PCDHGC4: variants seen among roughly 807,000 people sequenced by gnomAD.
PCDHGC4 encodes protocadherin gamma subfamily C, 4.
A neutral mutation model predicts 59.7 loss-of-function variants in PCDHGC4; 15 were observed. That is an observed-to-expected ratio of 0.25 (90% CI 0.17 to 0.39). The LOEUF (loss-of-function observed/expected upper bound fraction) is 0.39. Ranked by LOEUF, PCDHGC4 falls within the 10% of genes least tolerant of loss-of-function variation. The probability of loss-of-function intolerance (pLI) is 1.00; values close to 1 mark genes in which losing one functional copy is unlikely to be tolerated. For missense variants in PCDHGC4, 1,016 were observed against 1,189.5 expected, an observed-to-expected ratio of 0.85 and a Z score of 2.15; for synonymous variants, 434 against 481.4, an observed-to-expected ratio of 0.90 and a Z score of 1.29.
chr5:141,488,939 T>C (rs1229571704), intron 1 of PCDHGC4, among the ~76,000 whole-genome samples: 1 of 152,114 alleles, frequency 6.6e-6, no homozygotes, highest in Non-Finnish European at 1.5e-5. Context: ...GGAAACTCCA[T>C]AATTGGTTGA....
intron 1 of PCDHGC4, among the ~76,000 whole-genome samples, chr5:141,494,382 G>C (rs1311387598): frequency 6.6e-6 from 1 of 152,182 alleles, no homozygotes; most frequent in Non-Finnish European, 1.5e-5. Flanking sequence ...CCCAGCTGAG[G>C]AGTTGAATAA....
At chr5:141,503,478 C>T (rs1249372985) in intron 2 of PCDHGC4, among the ~76,000 whole-genome samples, 3 of 151,680 alleles carry the variant, frequency 2.0e-5, no homozygotes, top group East Asian at 1.9e-4. Context: ...GTGCACTTGT[C>T]GTCCCAGCTG....
At chr5:141,501,987 G>A (rs1462571527) in intron 2 of PCDHGC4, among the ~76,000 whole-genome samples, 2 of 152,016 alleles carry the variant, frequency 1.3e-5, no homozygotes, top group Non-Finnish European at 2.9e-5. Flanking sequence ...TGGTCCCGTT[G>A]TCTCCCTGAC....
Position 141,487,660 on chromosome 5 carries a change from T to C in PCDHGC4, c.2442+45T>C. Reference sequence around the variant, plus strand: ...AACAAATGCTTGAGGGTTATTCTGATCCAGGCATATGGCTAGGCCATGTCC... The same window carrying C: ...AACAAATGCTTGAGGGTTATTCTGACCCAGGCATATGGCTAGGCCATGTCC... On this transcript the variant is annotated intron_variant, in intron 1 of 3. Coordinates refer to ENST00000306593, the MANE Select transcript of PCDHGC4 (RefSeq NM_018928.3). The surrounding 1 kb of genome is among the most constrained non-coding windows in gnomAD (Gnocchi z 5.0). The C allele has an allele frequency of 6.2e-7, 1 of 1,613,442 alleles. No homozygotes were observed. The highest frequency in any genetic ancestry group is 8.5e-7 in the Non-Finnish European group (1 of 1,179,710).
intron 2 of PCDHGC4, among the ~76,000 whole-genome samples, chr5:141,496,040 AT>A (rs2099765531): frequency 1.3e-5 from 2 of 150,356 alleles, no homozygotes; most frequent in Admixed American, 6.6e-5. Flanking sequence ...TCTGTCTCTC[AT>A]TTTTTTGTGC....
chr5:141,485,192 A>T lies in PCDHGC4; in HGVS notation c.19A>T (p.Ser7Cys). 1.2e-6 allele frequency: 2 copies of T among 1,613,942 alleles called. No individual in the cohort carries two copies. Among genetic ancestry groups the T allele is most frequent in the African/African-American group, 2.7e-5 (2 of 75,048 alleles). Residue 7 changes from serine to cysteine, a missense_variant, in exon 1 of 4, where the codon AGC becomes TGC. By Grantham distance (112) the Ser-to-Cys change is moderately radical. Transcript: ENST00000306593. The surrounding 1 kb of genome is among the most constrained non-coding windows in gnomAD (Gnocchi z 5.7). ...GGCAGCAATGCTCCGCAAGGTGAGA[A>T]GCTGGACAGAAATCTGGCGGTGGGC... is the stretch of plus-strand genomic sequence containing the variant. MLRKVR[S>C]WTEIWRWATL...
At position 141,486,883 on chromosome 5, in the gene PCDHGC4, C is replaced by G. The variant is rs1234866888; in HGVS notation, c.1710C>G (p.Ala570=). The G allele has an allele frequency of 1.2e-6, 2 of 1,614,214 alleles. No individual in the cohort carries two copies. ...DNAPAVLRPR[A]RPGSLCPQAL... ...CTCCAGCTGTGCTCCGTCCTCGGGC[C>G]CGGCCTGGTTCCTTATGTCCCCAAG... Residue 570 remains alanine (A), a synonymous_variant, in exon 1 of 4, where the codon GCC becomes GCG. Coordinates refer to ENST00000306593, the MANE Select transcript of PCDHGC4 (RefSeq NM_018928.3). The surrounding 1 kb of genome is among the most constrained non-coding windows in gnomAD (Gnocchi z 5.0).
In PCDHGC4 at chr5:141,512,022, C is replaced by T. The variant is rs2154594692; in HGVS notation, c.*849C>T. The T allele has an allele frequency of 6.5e-6, 1 of 152,990 alleles. No individual in the cohort carries two copies. The highest frequency in any genetic ancestry group is 1.9e-4 in the East Asian group (1 of 5,186). The allele number at this position is 152,990 out of a possible 1,614,324, so 9.5% of individuals were successfully genotyped here. A position where few individuals can be genotyped will look rare whatever the true frequency, so the allele number is the denominator to read the frequency against. The stretch of plus-strand genomic sequence containing the variant: ...AGCTTGACACATCAAGTTATCAAGG[C>T]CTTGGAGGAGGCTCTGTATGTCCTC... On this transcript the variant is annotated 3_prime_UTR_variant, in exon 4 of 4. Transcript: ENST00000306593.
At position 141,489,077 on chromosome 5, in the gene PCDHGC4, C is replaced by T. The variant is rs957205894; in HGVS notation, c.2442+1462C>T. 7 of 325,682 alleles carry T rather than the reference C, an allele frequency of 2.1e-5. 1 individual carries two copies. Among genetic ancestry groups the T allele is most frequent in the South Asian group, 1.5e-4 (3 of 20,214 alleles). 20.2% of individuals were successfully genotyped at this position (325,682 alleles called of 1,614,324 possible). The stretch of plus-strand genomic sequence containing the variant: ...AGCTCCCCTCCCCCCTGCCCACCCC[C>T]GCCACTCGGTGACTAAGAACTGCTG... On this transcript the variant is annotated intron_variant, in intron 1 of 3. Transcript: ENST00000306593. This position sits in a 1 kb window ranked among gnomAD's most constrained non-coding sequence, Gnocchi z 4.5.
chr5:141,509,872 G>T (rs968745661), intron 3 of PCDHGC4, among the ~76,000 whole-genome samples: 16 of 152,166 alleles, frequency 1.1e-4, no homozygotes, highest in Non-Finnish European at 1.5e-5. Context: ...CCAAGCTGCT[G>T]GTGGTGATGG....
chr5:141,501,331 A>ACC (rs906542724), intron 2 of PCDHGC4, among the ~76,000 whole-genome samples: 1 of 138,846 alleles, frequency 7.2e-6, no homozygotes, highest in Non-Finnish European at 1.6e-5. Flanking sequence ...ACACACACAC[A>ACC]CACCCCAAAC....
chr5:141,490,998 C>T lies in PCDHGC4; in HGVS notation c.2442+3383C>T, dbSNP rs1284919124. 5 of 1,614,014 alleles carry T rather than the reference C, an allele frequency of 3.1e-6. No homozygotes were observed. The highest frequency in any genetic ancestry group is 1.7e-5 in the Admixed American group (1 of 60,016). On this transcript the variant is annotated intron_variant, in intron 1 of 3. Coordinates refer to ENST00000306593, the MANE Select transcript of PCDHGC4 (RefSeq NM_018928.3). The surrounding 1 kb of genome is among the most constrained non-coding windows in gnomAD (Gnocchi z 5.4). Reference sequence around the variant, plus strand: ...GTCTCCCTCGCTCTGCTCCTCCTGGCTCCTTGGTCACCAAGGTGACAGCCG... The same window carrying T: ...GTCTCCCTCGCTCTGCTCCTCCTGGTTCCTTGGTCACCAAGGTGACAGCCG...
Position 141,487,397 on chromosome 5 carries a change from G to A in PCDHGC4, c.2224G>A (p.Gly742Arg). 1 of 1,614,062 alleles carries A rather than the reference G, an allele frequency of 6.2e-7. No homozygotes were observed. Among genetic ancestry groups the A allele is most frequent in the Middle Eastern group, 1.6e-4 (1 of 6,062 alleles). Reference sequence around the variant, plus strand: ...TCTCACCAGATCTCGAAGGAGGGAGGGGCTTCCCCCTTCCAATGGGATCCT... The same window carrying A: ...TCTCACCAGATCTCGAAGGAGGGAGAGGCTTCCCCCTTCCAATGGGATCCT... ...ACLTRSRRRE[G>R]LPPSNGILRI... Residue 742 changes from glycine to arginine, a missense_variant, in exon 1 of 4, where the codon GGG (glycine) becomes AGG (arginine). Coordinates refer to ENST00000306593, the MANE Select transcript of PCDHGC4 (RefSeq NM_018928.3). This position sits in a 1 kb window ranked among gnomAD's most constrained non-coding sequence, Gnocchi z 5.0.
Position 141,489,075 on chromosome 5 carries a change from C to A in PCDHGC4, c.2442+1460C>A. The A allele has an allele frequency of 3.1e-6, 1 of 324,814 alleles. No individual in the cohort carries two copies. The highest frequency in any genetic ancestry group is 5.5e-6 in the Non-Finnish European group (1 of 180,380). The allele number at this position is 324,814 out of a possible 1,614,324, so 20.1% of individuals were successfully genotyped here. A position where few individuals can be genotyped will look rare whatever the true frequency, so the allele number is the denominator to read the frequency against. ...TCAGCTCCCCTCCCCCCTGCCCACCCCCGCCACTCGGTGACTAAGAACTGC... is the reference window on the plus strand; with the variant it reads ...TCAGCTCCCCTCCCCCCTGCCCACCACCGCCACTCGGTGACTAAGAACTGC... On this transcript the variant is annotated intron_variant, in intron 1 of 3. Coordinates refer to ENST00000306593, the MANE Select transcript of PCDHGC4 (RefSeq NM_018928.3). The surrounding 1 kb of genome is among the most constrained non-coding windows in gnomAD (Gnocchi z 4.5).
Position 141,490,400 on chromosome 5 carries a change from T to A in PCDHGC4, c.2442+2785T>A. On this transcript the variant is annotated intron_variant, in intron 1 of 3. Coordinates refer to ENST00000306593, the MANE Select transcript of PCDHGC4 (RefSeq NM_018928.3). This position sits in a 1 kb window ranked among gnomAD's most constrained non-coding sequence, Gnocchi z 5.4. ...TCAGGTAGAAATGGTGAAGTGAGCC[T>A]TGATATCTCTCCGGACCTGCCATTT... The A allele has an allele frequency of 6.2e-7, 1 of 1,614,202 alleles. No homozygotes were observed. Among genetic ancestry groups the A allele is most frequent in the Non-Finnish European group, 8.5e-7 (1 of 1,180,032 alleles).
intron 2 of PCDHGC4, among the ~76,000 whole-genome samples, chr5:141,503,681 A>C (rs1313633991): frequency 6.6e-6 from 1 of 152,102 alleles, no homozygotes; most frequent in Non-Finnish European, 1.5e-5. Context: ...ACTTTTGGGA[A>C]GGAGAATTGA....
intron 2 of PCDHGC4, among the ~76,000 whole-genome samples, chr5:141,504,143 C>A (rs2099835975): frequency 6.6e-6 from 1 of 152,136 alleles, no homozygotes; most frequent in Non-Finnish European, 1.5e-5. Flanking sequence ...CACTCCCCTG[C>A]AAATTGAAAT....
intron 2 of PCDHGC4, among the ~76,000 whole-genome samples, chr5:141,497,879 G>T (rs62379207): frequency 2.0e-5 from 3 of 152,128 alleles, no homozygotes; most frequent in Admixed American, 6.5e-5. Flanking sequence ...TGAAATAAGC[G>T]TTAGGATCTA....
In PCDHGC4 at chr5:141,486,223, C is replaced by G. The variant is rs1164723634; in HGVS notation, c.1050C>G (p.Ile350Met). Reference protein sequence around the residue: ...LLDVNDNAPYITVTSELGTLP... With the variant: ...LLDVNDNAPYMTVTSELGTLP... ...ACGTAAATGACAATGCCCCTTACATCACAGTGACCTCAGAGCTTGGAACCC... is the reference window on the plus strand; with the variant it reads ...ACGTAAATGACAATGCCCCTTACATGACAGTGACCTCAGAGCTTGGAACCC... The change falls in exon 1 of 4, where the codon ATC becomes ATG. Residue 350 changes from isoleucine (I) to methionine (M), a missense_variant. Coordinates refer to ENST00000306593, the MANE Select transcript of PCDHGC4 (RefSeq NM_018928.3). The surrounding 1 kb of genome is among the most constrained non-coding windows in gnomAD (Gnocchi z 5.0). The G allele has an allele frequency of 6.2e-7, 1 of 1,614,148 alleles. No homozygotes were observed. Among genetic ancestry groups the G allele is most frequent in the Admixed American group, 1.7e-5 (1 of 60,032 alleles).
Sources: gnomAD v4.1 joint callset for allele counts (sites outside exome capture counted in the v4.1 genomes callset) on GRCh38, gnomAD v4.1.1 for gene constraint, Gnocchi (gnomAD v3.1) non-coding constraint, MANE v1.5 for transcripts, NCBI Gene and HGNC (gene_info 2026-07-23, HGNC 2026-07-21) for gene names.